CREB3L2: variants seen among roughly 807,000 people sequenced by gnomAD.
CREB3L2 encodes the protein cAMP responsive element binding protein 3 like 2, also known as cyclic AMP-responsive element-binding protein 3-like protein 2.
In CREB3L2, 23 loss-of-function variants were observed where a neutral mutation model predicts 57.2. The observed-to-expected ratio is 0.40, with a 90% confidence interval of 0.29 to 0.57. The LOEUF is 0.57. Ranked by LOEUF, CREB3L2 falls within the 20% of genes least tolerant of loss-of-function variation. The probability of loss-of-function intolerance (pLI) is 0.42; values close to 1 mark genes in which losing one functional copy is unlikely to be tolerated. For synonymous variants in CREB3L2, 268 were observed against 265.1 expected, an observed-to-expected ratio of 1.01 and a Z score of -0.11; for missense variants, 628 against 634.7, an observed-to-expected ratio of 0.99 and a Z score of 0.11.
At chr7:137,938,695 A>G (rs1420816152) in intron 1 of CREB3L2, among the ~76,000 whole-genome samples, 1 of 152,204 alleles carries the variant, frequency 6.6e-6, no homozygotes, top group Admixed American at 6.6e-5. Flanking sequence ...TTAAGTAAAA[A>G]TGAATTTTTA....
At chr7:137,881,904 C>A (rs560103464) in intron 11 of CREB3L2, among the ~76,000 whole-genome samples, 1 of 152,212 alleles carries the variant, frequency 6.6e-6, no homozygotes, top group Admixed American at 6.5e-5. Flanking sequence ...AAATGGTACC[C>A]CTCAACATAC....
chr7:137,933,944 G>C (rs1800721134), intron 1 of CREB3L2: 1 of 152,248 alleles, frequency 6.6e-6, no homozygotes, highest in Non-Finnish European at 1.5e-5. Context: ...CCAAAAACCA[G>C]AGAAAGGAGC....
intron 1 of CREB3L2, among the ~76,000 whole-genome samples, chr7:137,979,590 G>A (rs1363781033): frequency 6.6e-6 from 1 of 152,182 alleles, no homozygotes; most frequent in East Asian, 1.9e-4. Context: ...GCCGGGCGTG[G>A]TGGTGGGCGC....
chr7:137,918,835 C>T (rs1800208374), intron 2 of CREB3L2, among the ~76,000 whole-genome samples: 1 of 152,132 alleles, frequency 6.6e-6, no homozygotes, highest in Non-Finnish European at 1.5e-5. Context: ...AAAGTGTGCA[C>T]ATTCGTAAAA....
chr7:137,979,540 A>G (rs1172527284), intron 1 of CREB3L2, among the ~76,000 whole-genome samples: 2 of 152,130 alleles, frequency 1.3e-5, no homozygotes, highest in African/African-American at 2.4e-5. Context: ...CCTGGCTAAC[A>G]TGGTGAAACC....
intron 1 of CREB3L2, among the ~76,000 whole-genome samples, chr7:137,940,100 A>T (rs1375701205): frequency 6.6e-6 from 1 of 152,162 alleles, no homozygotes; most frequent in Non-Finnish European, 1.5e-5. Flanking sequence ...TCATTATATA[A>T]GGAAATTTGG....
chr7:137,927,323 G>T (rs1300879474), intron 2 of CREB3L2, among the ~76,000 whole-genome samples: 1 of 147,588 alleles, frequency 6.8e-6, no homozygotes, highest in Non-Finnish European at 1.5e-5. Context: ...AGGCAGGGAG[G>T]GAGCGAGAGG....
At chr7:137,988,794 G>T (rs773823918) in intron 1 of CREB3L2, among the ~76,000 whole-genome samples, 33 of 152,124 alleles carry the variant, frequency 2.2e-4, no homozygotes, top group Non-Finnish European at 4.1e-4. Context: ...AGAGAAGAAT[G>T]ATGAAAGGAC....
At chr7:137,979,243 C>G (rs1455813149) in intron 1 of CREB3L2, among the ~76,000 whole-genome samples, 8 of 152,262 alleles carry the variant, frequency 5.3e-5, no homozygotes, top group Non-Finnish European at 1.2e-4. Flanking sequence ...GATCACAGCT[C>G]TAGCATATTG....
chr7:137,936,938 T>C (rs1460890951), intron 1 of CREB3L2, among the ~76,000 whole-genome samples: 1 of 152,178 alleles, frequency 6.6e-6, no homozygotes, highest in African/African-American at 2.4e-5. Context: ...TTGTTTAGAT[T>C]TGCCCCTGTA....
intron 8 of CREB3L2, among the ~76,000 whole-genome samples, chr7:137,892,640 A>C (rs273935): frequency 0.57 from 86,279 of 151,714 alleles, 27,384 homozygotes; most frequent in Admixed American, 0.7. Context: ...ACAGAGCAAG[A>C]CTCCATCTCA....
At chr7:137,983,248 A>G (rs1367641101) in intron 1 of CREB3L2, among the ~76,000 whole-genome samples, 3 of 152,182 alleles carry the variant, frequency 2.0e-5, no homozygotes, top group African/African-American at 7.2e-5. Flanking sequence ...CCAGAGGACT[A>G]TCTACCACAC....
rs764519676 is a variant in CREB3L2 at position 137,882,470 on chromosome 7, T to C, written c.1429A>G (p.Ile477Val). 2 of 1,613,594 alleles carry C rather than the reference T, an allele frequency of 1.2e-6. No individual in the cohort carries two copies. Among genetic ancestry groups the C allele is most frequent in the African/African-American group, 1.3e-5 (1 of 74,834 alleles). ...TCCAGGCTGGTCTCATTCGAGATAA[T>C]GAAATGGGGAAGATCCACATCCGGC... ...SRPDVDLPHF[I>V]ISNETSLEKS... The change falls in exon 11 of 12, where the codon ATT becomes GTT. Residue 477 changes from isoleucine to valine, a missense_variant. By Grantham distance (29) the Ile-to-Val change is conservative. Around this residue, in one of 3 missense-constraint regions of CREB3L2, gnomAD observed 272 missense variants for 242.7 expected, o/e 1.12. Transcript: ENST00000330387.
At chr7:137,899,524 G>C (rs991751906) in intron 8 of CREB3L2, among the ~76,000 whole-genome samples, 1 of 149,758 alleles carries the variant, frequency 6.7e-6, no homozygotes, top group African/African-American at 2.5e-5. Flanking sequence ...CGGGGAGCAG[G>C]ATCCAGAGAA....
rs13224727 is a variant in CREB3L2, at chr7:137,913,277, A to T, written c.496-199T>A. 9.4e-3 allele frequency among the ~76,000 whole-genome samples: 1,431 copies of T among 152,244 alleles called. 21 individuals are homozygous for T. The highest frequency in any genetic ancestry group is 0.033 in the South Asian group (157 of 4,822). On this transcript the variant is annotated intron_variant, in intron 3 of 11. Coordinates refer to ENST00000330387, the MANE Select transcript of CREB3L2 (RefSeq NM_194071.4). ...TTCTCATTGCCAAACTTGGCATTACAGCTGACAGGACCTTCAGAACTTCCT... is the reference window on the plus strand; with the variant it reads ...TTCTCATTGCCAAACTTGGCATTACTGCTGACAGGACCTTCAGAACTTCCT...
At chr7:137,950,538 T>C (rs956710439) in intron 1 of CREB3L2, among the ~76,000 whole-genome samples, 1 of 152,172 alleles carries the variant, frequency 6.6e-6, no homozygotes, top group African/African-American at 2.4e-5. Context: ...AGCTACTCCG[T>C]AGTAGTGCTT....
At chr7:137,926,565 C>G (rs184296322) in intron 2 of CREB3L2, among the ~76,000 whole-genome samples, 93 of 152,178 alleles carry the variant, frequency 6.1e-4, no homozygotes, top group African/African-American at 2.1e-3. Context: ...ACATCACACA[C>G]CAGGGCCTGT....
intron 8 of CREB3L2, among the ~76,000 whole-genome samples, chr7:137,887,428 G>T (rs1281742584): frequency 6.6e-6 from 1 of 152,202 alleles, no homozygotes; most frequent in Non-Finnish European, 1.5e-5. Flanking sequence ...TCCTTTCTGG[G>T]CCAGGCGCGG....
At chr7:137,945,231 A>G (rs1341354933) in intron 1 of CREB3L2, among the ~76,000 whole-genome samples, 1 of 152,262 alleles carries the variant, frequency 6.6e-6, no homozygotes, top group Non-Finnish European at 1.5e-5. Flanking sequence ...GAAATTATCT[A>G]TAAGTGCTAG....
Sources: allele counts gnomAD v4.1 joint callset (sites outside exome capture counted in the v4.1 genomes callset), GRCh38; gene constraint gnomAD v4.1.1; regional missense constraint gnomAD v4.1.1; transcripts MANE v1.5; gene names NCBI Gene and HGNC (gene_info 2026-07-23, HGNC 2026-07-21).